Variants in MBTPS2 observed in about 807,000 individuals in gnomAD.
MBTPS2 encodes membrane-bound transcription factor site-2 protease.
A neutral mutation model predicts 35.4 loss-of-function variants in MBTPS2; 2 were observed. That is an observed-to-expected ratio of 0.06 (90% CI 0.02 to 0.18). MBTPS2 has a LOEUF of 0.18. Ranked by LOEUF, MBTPS2 falls within the 10% of genes least tolerant of loss-of-function variation. The pLI is 1.00. For missense variants in MBTPS2, 244 were observed against 386.5 expected (o/e 0.63, Z 3.09); for synonymous variants, 125 against 140.4 (o/e 0.89, Z 0.77).
rs2092960795 is a variant in MBTPS2, at chrX:21,882,745, A to G, written c.*90A>G. The G allele has an allele frequency of 4.2e-6, 5 of 1,182,938 alleles. No homozygotes were observed. Among genetic ancestry groups the G allele is most frequent in the Admixed American group, 2.3e-5 (1 of 42,927 alleles). ...CATTGAAATTCTTACTTGGTATGAA[A>G]TATAAAGTGTTTCCTTAAAATTACA... is the stretch of plus-strand genomic sequence containing the variant. On this transcript the variant is annotated 3_prime_UTR_variant, in exon 11 of 11. Transcript: ENST00000379484.
chrX:21,850,026 CAAAAAAAAAAAAA>C (rs757928757), intron 3 of MBTPS2, among the ~76,000 whole-genome samples: 12 of 27,437 alleles, frequency 4.4e-4, no homozygotes, highest in Non-Finnish European at 5.3e-4. Flanking sequence ...GACTCCGTCT[CAAAAAAAAAAAAA>C]AAAAAAAAAA....
rs745585658 is a variant in MBTPS2 at position 21,853,412 on chromosome X, C to T, written c.579C>T (p.Leu193=). 6.7e-6 allele frequency: 8 copies of T among 1,202,426 alleles called. No homozygotes were observed. The South Asian group carries it at 7.1e-5, about 11-fold the overall frequency. ...QVRFNGFGIF[L]FIIYPGAFVD... ...GATTTAATGGCTTTGGGATTTTTCT[C>T]TTCATTATTTATCCTGGAGCATTTG... Residue 193 remains leucine, a synonymous_variant, in exon 5 of 11, where the codon CTC becomes CTT. Transcript: ENST00000379484.
Position 21,882,850 on chromosome X carries a change from G to A in MBTPS2, c.*195G>A. ...TAGAAGATAAGCAGAAGAAATGAAA[G>A]GCATAGTCCCTGACTATATTCTAAT... On this transcript the variant is annotated 3_prime_UTR_variant, in exon 11 of 11. Coordinates refer to ENST00000379484, the MANE Select transcript of MBTPS2 (RefSeq NM_015884.4). The A allele has an allele frequency of 1.8e-6, 2 of 1,091,832 alleles. No homozygotes were observed. Among genetic ancestry groups the A allele is most frequent in the South Asian group, 2.3e-5 (1 of 43,089 alleles). 90.0% of individuals were successfully genotyped at this position (1,091,832 alleles called of 1,213,427 possible).
chrX:21,878,747 A>ACCACTGAGACTATAT, intron 9 of MBTPS2, 55 bp downstream of exon 9: 1 of 781,507 alleles, frequency 1.3e-6, no homozygotes, highest in Non-Finnish European at 2.0e-6. Flanking sequence ...ATATAGTCTC[A>ACCACTGAGACTATAT]GTGGTAGAGA....
In MBTPS2 at chrX:21,882,572, A is replaced by C; in HGVS notation, c.1477A>C (p.Ile493Leu). The change falls in exon 11 of 11, where the codon ATA becomes CTA. Residue 493 changes from isoleucine (I) to leucine (L), a missense_variant. Coordinates refer to ENST00000379484, the MANE Select transcript of MBTPS2 (RefSeq NM_015884.4). ...TGGAGACAATGATGTCAAAGATCTA[A>C]TAGGGTTTTTCATCTTGCTGGGTGG... ...VIGDNDVKDL[I>L]GFFILLGGSV... 3 of 1,211,722 alleles carry C rather than the reference A, an allele frequency of 2.5e-6. 1 individual carries two copies. The highest frequency in any genetic ancestry group is 3.4e-6 in the Non-Finnish European group (3 of 895,402).
intron 5 of MBTPS2, among the ~76,000 whole-genome samples, chrX:21,854,068 A>G (rs1348340706): frequency 9.0e-6 from 1 of 111,634 alleles, no homozygotes; most frequent in African/African-American, 3.3e-5. Flanking sequence ...TCAAACTAAC[A>G]ACGACAACAA....
intron 3 of MBTPS2, among the ~76,000 whole-genome samples, chrX:21,847,308 C>T (rs1201545556): frequency 1.8e-5 from 2 of 112,068 alleles, no homozygotes; most frequent in East Asian, 5.6e-4. Flanking sequence ...CAGCTGCCCT[C>T]TGGAGCCCAC....
At chrX:21,843,656 A>T (rs1237279572) in intron 2 of MBTPS2, among the ~76,000 whole-genome samples, 1 of 111,854 alleles carries the variant, frequency 8.9e-6, no homozygotes, top group Admixed American at 9.5e-5. Flanking sequence ...CAAATGGATT[A>T]GAGCTAAATG....
chrX:21,853,451 C>T lies in MBTPS2; in HGVS notation c.618C>T (p.Thr206=), dbSNP rs781329028. Residue 206 remains threonine, a synonymous_variant, in exon 5 of 11, where the codon ACC becomes ACT. Coordinates refer to ENST00000379484, the MANE Select transcript of MBTPS2 (RefSeq NM_015884.4). Reference sequence around the variant, plus strand: ...CTGGAGCATTTGTTGATCTGTTCACCACTCATTTGCAACTTATATCGCCAG... The same window carrying T: ...CTGGAGCATTTGTTGATCTGTTCACTACTCATTTGCAACTTATATCGCCAG... The part of the protein sequence containing the change: ...IYPGAFVDLF[T]THLQLISPVQ... The T allele has an allele frequency of 1.7e-6, 2 of 1,202,680 alleles. No homozygotes were observed. The highest frequency in any genetic ancestry group is 2.2e-5 in the Admixed American group (1 of 45,942).
intron 5 of MBTPS2, among the ~76,000 whole-genome samples, chrX:21,862,919 CATAT>C (rs1259255664): frequency 2.5e-5 from 1 of 40,356 alleles, no homozygotes; most frequent in African/African-American, 6.6e-5. Flanking sequence ...AATATATAAA[CATAT>C]ATATATAAAC....
intron 7 of MBTPS2, among the ~76,000 whole-genome samples, chrX:21,877,187 A>G (rs1259479868): frequency 1.8e-5 from 2 of 112,397 alleles, no homozygotes; most frequent in African/African-American, 3.2e-5. Flanking sequence ...CACGCCTGTA[A>G]TCTCAGCACT....
At chrX:21,854,526 G>C (rs1346323922) in intron 5 of MBTPS2, among the ~76,000 whole-genome samples, 2 of 111,696 alleles carry the variant, frequency 1.8e-5, no homozygotes, top group African/African-American at 6.5e-5. Context: ...ATGCAAATGG[G>C]AACAGAAAAT....
chrX:21,844,907 C>A (rs1299745227), intron 2 of MBTPS2, among the ~76,000 whole-genome samples: 3 of 112,040 alleles, frequency 2.7e-5, no homozygotes, highest in Non-Finnish European at 5.6e-5. Flanking sequence ...TGTAAATGAG[C>A]AAGTGCATGA....
rs1003257366 is a variant in MBTPS2 at position 21,870,133 on chromosome X, C to T, written c.970+455C>T. 7.7e-4 allele frequency: 82 copies of T among 106,082 alleles called. 2 individuals carry two copies. The highest frequency in any genetic ancestry group is 4.8e-3 in the Middle Eastern group (1 of 207). The allele number at this position is 106,082 out of a possible 1,213,427, so 8.7% of individuals were successfully genotyped here. A position where few individuals can be genotyped will look rare whatever the true frequency, so the allele number is the denominator to read the frequency against. ...ACGGGTGCCTGTGATTTCAGCTGCT[C>T]GGGAGTCTGAGGCAGGAGAATCGCT... is the stretch of plus-strand genomic sequence containing the variant. On this transcript the variant is annotated intron_variant, in intron 7 of 10. Transcript: ENST00000379484.
chrX:21,875,031 G>A (rs193159949), intron 7 of MBTPS2, among the ~76,000 whole-genome samples: 85 of 112,196 alleles, frequency 7.6e-4, no homozygotes, highest in African/African-American at 2.7e-3. Context: ...CTTCTCACAT[G>A]CAAACAAAAT....
At chrX:21,853,586 C>G in intron 5 of MBTPS2, 83 bp downstream of exon 5, 3 of 909,407 alleles carry the variant, frequency 3.3e-6, no homozygotes, top group Non-Finnish European at 4.8e-6. Flanking sequence ...GAAAATATAT[C>G]ACAAATGACA....
intron 7 of MBTPS2, chrX:21,869,880 TCTAA>T (rs1307469000): frequency 1.3e-5 from 5 of 399,814 alleles, no homozygotes; most frequent in African/African-American, 2.5e-5. Flanking sequence ...TTGTTGAACT[TCTAA>T]CTATTTTCAT....
At chrX:21,870,935 AT>A (rs1320852760) in intron 7 of MBTPS2, 41 of 112,384 alleles carry the variant, frequency 3.6e-4, no homozygotes, top group African/African-American at 1.0e-3. Context: ...AAGTAAAAAA[AT>A]ATCCTGATAC....
intron 7 of MBTPS2, among the ~76,000 whole-genome samples, chrX:21,876,401 TA>T (rs1379414905): frequency 9.1e-6 from 1 of 110,176 alleles, no homozygotes; most frequent in Non-Finnish European, 1.9e-5. Flanking sequence ...CCATTGCTAC[TA>T]AAAATACAAA....
Sources: gnomAD v4.1 joint callset for allele counts (sites outside exome capture counted in the v4.1 genomes callset) on GRCh38, gnomAD v4.1.1 for gene constraint, MANE v1.5 for transcripts, NCBI Gene and HGNC (gene_info 2026-07-23, HGNC 2026-07-21) for gene names.